The following NEDD4L variants were observed in gnomAD, a reference collection of about 807,000 sequenced individuals.
NEDD4L encodes NEDD4 like E3 ubiquitin protein ligase.
In NEDD4L, 54 loss-of-function variants were observed where a neutral mutation model predicts 148.9. The ratio of observed to expected loss-of-function variants is 0.36; its 90% confidence interval spans 0.29 to 0.45. The LOEUF is 0.45. Ranked by LOEUF, NEDD4L falls within the 20% of genes least tolerant of loss-of-function variation. NEDD4L has a pLI of 1.00. For synonymous variants in NEDD4L, 433 were observed against 440.7 expected (o/e 0.98, Z 0.22); for missense variants, 856 against 1,233.8 (o/e 0.69, Z 4.59).
chr18:58,295,630 T>C (rs1458273320), intron 5 of NEDD4L, among the ~76,000 whole-genome samples: 2 of 152,178 alleles, frequency 1.3e-5, no homozygotes, highest in African/African-American at 4.8e-5. Context: ...TCAGTGATCA[T>C]ATAGCCTCAG....
intron 5 of NEDD4L, among the ~76,000 whole-genome samples, chr18:58,273,908 G>C (rs2051452521): frequency 6.6e-6 from 1 of 152,174 alleles, no homozygotes; most frequent in Non-Finnish European, 1.5e-5. Context: ...AGACGGCCAT[G>C]GATCCTTTTT....
chr18:58,165,182 G>C (rs1411612259), intron 1 of NEDD4L, among the ~76,000 whole-genome samples: 3 of 152,168 alleles, frequency 2.0e-5, no homozygotes, highest in African/African-American at 7.2e-5. Context: ...GGAAATATTG[G>C]AATGAATGAA....
At chr18:58,172,438 G>A (rs1469614337) in intron 2 of NEDD4L, among the ~76,000 whole-genome samples, 1 of 152,226 alleles carries the variant, frequency 6.6e-6, no homozygotes, top group Admixed American at 6.5e-5. Flanking sequence ...TAGAGTTTCA[G>A]CAGCTCCTGT....
chr18:58,333,773 A>T, intron 11 of NEDD4L, 45 bp from the exon 12 acceptor site: 1 of 1,443,876 alleles, frequency 6.9e-7, no homozygotes, highest in Non-Finnish European at 9.7e-7. Context: ...AGTTGCTTTT[A>T]AGAATATATT....
chr18:58,048,143 A>G (rs1375543954), intron 1 of NEDD4L, among the ~76,000 whole-genome samples: 1 of 152,214 alleles, frequency 6.6e-6, no homozygotes, highest in Non-Finnish European at 1.5e-5. Context: ...ATCCGGCTTA[A>G]TTGGGGCCAC....
chr18:58,263,679 CT>C (rs2049804413), intron 5 of NEDD4L, among the ~76,000 whole-genome samples: 1 of 67,062 alleles, frequency 1.5e-5, no homozygotes, highest in Non-Finnish European at 2.9e-5. Flanking sequence ...TTTTTTTTTT[CT>C]CTCTCTCATG....
chr18:58,126,291 T>C (rs1476816718), intron 1 of NEDD4L, among the ~76,000 whole-genome samples: 2 of 152,240 alleles, frequency 1.3e-5, no homozygotes, highest in Non-Finnish European at 2.9e-5. Context: ...GCTATGACTT[T>C]GTGATTCCCT....
rs2048162896 is a variant in NEDD4L at position 58,380,290 on chromosome 18, T to TTTTTA, written c.2353-2947_2353-2943dup. Among the ~76,000 whole-genome samples the TTTTTA allele has an allele frequency of 3.4e-5, 5 of 147,064 alleles. No individual in the cohort carries two copies. The South Asian group carries it at 1.1e-3, about 33-fold the overall frequency. ...AATTGTACTCTGCATACTGTTTTCT[T>TTTTTA]TTTTATTTTATTTATTTATTTATTT... On this transcript the variant is annotated intron_variant, in intron 24 of 30. Coordinates refer to ENST00000400345, the MANE Select transcript of NEDD4L (RefSeq NM_001144967.3).
chr18:58,245,302 G>T, intron 2 of NEDD4L, 125 bp from the exon 3 acceptor site: 1 of 542,312 alleles, frequency 1.8e-6, no homozygotes, highest in Non-Finnish European at 3.3e-6. Flanking sequence ...AAAGGTTATT[G>T]CTTAGTTTGT....
chr18:58,184,662 C>T (rs560753440), intron 2 of NEDD4L, among the ~76,000 whole-genome samples: 1 of 152,238 alleles, frequency 6.6e-6, no homozygotes, highest in East Asian at 1.9e-4. Context: ...GGCGTGGTGG[C>T]TCACGCTTGT....
intron 1 of NEDD4L, among the ~76,000 whole-genome samples, chr18:58,112,407 T>TA: frequency 6.9e-6 from 1 of 145,860 alleles, no homozygotes; most frequent in African/African-American, 2.5e-5. Flanking sequence ...TTTATTTATT[T>TA]ATTTTTGCCT....
intron 1 of NEDD4L, among the ~76,000 whole-genome samples, chr18:58,111,557 T>C (rs2085421582): frequency 6.6e-6 from 1 of 152,202 alleles, no homozygotes. Context: ...GACTGGCTTC[T>C]TTCAATTAGT....
chr18:58,323,439 TA>T (rs980991772), intron 8 of NEDD4L, 105 bp downstream of exon 8: 79 of 683,142 alleles, frequency 1.2e-4, no homozygotes, highest in Non-Finnish European at 1.4e-4. Flanking sequence ...AGCTTAAATA[TA>T]AAAAAAAGTA....
intron 5 of NEDD4L, among the ~76,000 whole-genome samples, chr18:58,260,863 C>T (rs1221014795): frequency 6.6e-6 from 1 of 152,164 alleles, no homozygotes; most frequent in Non-Finnish European, 1.5e-5. Context: ...CTGCAGTTCA[C>T]TAGCTTTTGG....
chr18:58,262,211 T>C (rs746864573), intron 5 of NEDD4L, among the ~76,000 whole-genome samples: 16 of 152,232 alleles, frequency 1.1e-4, no homozygotes, highest in African/African-American at 3.9e-4. Flanking sequence ...AAAGCAGGTA[T>C]TGCAGAATGT....
intron 16 of NEDD4L, among the ~76,000 whole-genome samples, chr18:58,346,686 A>G (rs2043109881): frequency 6.6e-6 from 1 of 152,234 alleles, no homozygotes; most frequent in Non-Finnish European, 1.5e-5. Context: ...CATCCTGTTT[A>G]AAAACACTTT....
chr18:58,058,834 T>G (rs1487349641), intron 1 of NEDD4L, among the ~76,000 whole-genome samples: 1 of 152,214 alleles, frequency 6.6e-6, no homozygotes. Flanking sequence ...AATACTTCAC[T>G]GACAGCAATG....
chr18:58,272,895 C>T (rs1357378070), intron 5 of NEDD4L, among the ~76,000 whole-genome samples: 2 of 152,140 alleles, frequency 1.3e-5, no homozygotes, highest in Non-Finnish European at 2.9e-5. Flanking sequence ...ACTCATAAGT[C>T]AAATACCTAC....
chr18:58,198,767 A>G (rs1473421497), intron 2 of NEDD4L, among the ~76,000 whole-genome samples: 1 of 152,208 alleles, frequency 6.6e-6, no homozygotes, highest in Non-Finnish European at 1.5e-5. Flanking sequence ...CTAATTCATA[A>G]TAGTTGACAG....
Sources: gnomAD v4.1 joint callset for allele counts (sites outside exome capture counted in the v4.1 genomes callset) on GRCh38, gnomAD v4.1.1 for gene constraint, MANE v1.5 for transcripts, NCBI Gene and HGNC (gene_info 2026-07-23, HGNC 2026-07-21) for gene names.